The following ZNF335 variants were observed in gnomAD, a reference collection of about 807,000 sequenced individuals.
ZNF335 encodes the protein NRC-interacting factor 1.
ZNF335 carries 84 observed loss-of-function variants against 145.6 expected under a neutral mutation model. The observed-to-expected ratio is 0.58, with a 90% CI of 0.48 to 0.69. The LOEUF is 0.69. Among genes scored for constraint, ZNF335 ranks in the 30% least tolerant of loss-of-function variants. The probability of loss-of-function intolerance (pLI) is 0.00; values close to 1 mark genes in which losing one functional copy is unlikely to be tolerated. For missense variants in ZNF335, 1,865 were observed against 1,809.7 expected (o/e 1.03, Z -0.55); for synonymous variants, 761 against 717.0 (o/e 1.06, Z -0.98).
In ZNF335 at chr20:45,948,955, A is replaced by G. The variant is rs1260556723; in HGVS notation, c.4027T>C (p.Ter1343ArgextTer18). The G allele has an allele frequency of 3.1e-6, 5 of 1,613,756 alleles. No homozygotes were observed. Among genetic ancestry groups the G allele is most frequent in the East Asian group, 2.2e-5 (1 of 44,890 alleles). Residue 1343 changes from the stop codon to arginine (R), a stop_lost, in exon 28 of 28, where the codon TGA (stop) becomes CGA (arginine). Transcript: ENST00000322927. ...GATCTGTGTTGGGCCCTCGGGGCTCAGTCATCGGCCAGGGTGATGACGTCG... is the reference window on the plus strand; with the variant it reads ...GATCTGTGTTGGGCCCTCGGGGCTCGGTCATCGGCCAGGGTGATGACGTCG... Reference protein sequence around the residue: ...EYDVITLADD* With the variant: ...EYDVITLADDR
At position 45,971,218 on chromosome 20, in the gene ZNF335, G is replaced by T. The variant is rs6130982; in HGVS notation, c.193C>A (p.Arg65Ser). 1.3e-6 allele frequency: 2 copies of T among 1,539,954 alleles called. No homozygotes were observed. Among genetic ancestry groups the T allele is most frequent in the South Asian group, 2.4e-5 (2 of 83,806 alleles). Reference sequence around the variant, plus strand: ...TCCAGCCGGGTCCATACCTGAGAACGGCTGCCGCGGTCCGAGCTTTGCCCC... The same window carrying T: ...TCCAGCCGGGTCCATACCTGAGAACTGCTGCCGCGGTCCGAGCTTTGCCCC... ...GVGQSSDRGS[R>S]SQEEVSESSS... Residue 65 changes from arginine (R) to serine (S), a missense_variant, in exon 2 of 28, where the codon CGT becomes AGT. Physicochemically the swap from Arg to Ser is moderately radical, Grantham distance 110 (BLOSUM62 -1). Coordinates refer to ENST00000322927, the MANE Select transcript of ZNF335 (RefSeq NM_022095.4).
chr20:45,970,482 C>G (rs1429204434), intron 2 of ZNF335, among the ~76,000 whole-genome samples: 2 of 152,212 alleles, frequency 1.3e-5, no homozygotes, highest in Non-Finnish European at 2.9e-5. Flanking sequence ...CTCACAAAAA[C>G]TCTATGAGGC....
At chr20:45,963,367 G>A (rs577927074) in intron 9 of ZNF335, 106 bp downstream of exon 9, 165 of 1,303,112 alleles carry the variant, frequency 1.3e-4, no homozygotes, top group Admixed American at 2.3e-4. Context: ...GCAGGAGAGC[G>A]TGACCCAGAA....
chr20:45,957,644 G>C lies in ZNF335; in HGVS notation c.2384C>G (p.Ala795Gly), dbSNP rs781222693. ...ACTCATGTTCAGCAGAAGATCCAAG[G>C]CTGTCTGCGTGGCCATCGCTGTCGA... ...EESTAMATQTALDLLLNMSAQ... is the reference protein window; with the variant it reads ...EESTAMATQTGLDLLLNMSAQ... Residue 795 changes from alanine to glycine, a missense_variant, in exon 17 of 28, where the codon GCC becomes GGC. Transcript: ENST00000322927. 6.2e-7 allele frequency: 1 copy of C among 1,614,188 alleles called. No individual in the cohort carries two copies. The highest frequency in any genetic ancestry group is 8.5e-7 in the Non-Finnish European group (1 of 1,180,036).
At chr20:45,958,780 C>G (rs542371627) in intron 15 of ZNF335, among the ~76,000 whole-genome samples, 1 of 152,304 alleles carries the variant, frequency 6.6e-6, no homozygotes, top group East Asian at 1.9e-4. Flanking sequence ...ATCCCTTCCT[C>G]CTGCTTCCTG....
At chr20:45,961,435 G>A (rs1207962002) in intron 10 of ZNF335, 5 of 149,656 alleles carry the variant, frequency 3.3e-5, no homozygotes, top group African/African-American at 1.2e-4. Flanking sequence ...AAGAGGTGTT[G>A]AACAGCTCTG....
Position 45,963,466 on chromosome 20 carries a change from C to T in ZNF335, c.1533+7G>A. On this transcript the variant is annotated splice_region_variant and intron_variant, in intron 9 of 27. Coordinates refer to ENST00000322927, the MANE Select transcript of ZNF335 (RefSeq NM_022095.4). The stretch of plus-strand genomic sequence containing the variant: ...CCATGAGCCCCAAGCCTCTTTGGCT[C>T]CCGCACCTTGAGCGAGGACCAGCGG... The T allele has an allele frequency of 6.2e-7, 1 of 1,609,098 alleles. No homozygotes were observed. Among genetic ancestry groups the T allele is most frequent in the African/African-American group, 1.3e-5 (1 of 74,988 alleles).
At position 45,967,986 on chromosome 20, in the gene ZNF335, G is replaced by A. The variant is rs1478512677; in HGVS notation, c.562C>T (p.His188Tyr). The A allele has an allele frequency of 2.5e-6, 4 of 1,612,738 alleles. No individual in the cohort carries two copies. Among genetic ancestry groups the A allele is most frequent in the Non-Finnish European group, 3.4e-6 (4 of 1,180,040 alleles). Reference protein sequence around the residue: ...TSPMSSSTLAHSLAAIEALAD... With the variant: ...TSPMSSSTLAYSLAAIEALAD... ...AGGGCCTCAATGGCTGCTAGGCTGTGGGCCAAGGTGGAACTGGACATTGGT... is the reference window on the plus strand; with the variant it reads ...AGGGCCTCAATGGCTGCTAGGCTGTAGGCCAAGGTGGAACTGGACATTGGT... The change falls in exon 5 of 28, where the codon CAC (histidine) becomes TAC (tyrosine). Residue 188 changes from histidine (H) to tyrosine (Y), a missense_variant. Transcript: ENST00000322927.
At chr20:45,958,020 A>G in intron 15 of ZNF335, 92 bp from the exon 16 acceptor site, 1 of 1,006,226 alleles carries the variant, frequency 9.9e-7, no homozygotes, top group Non-Finnish European at 1.6e-6. Context: ...GATGTTTTAC[A>G]TCTGTTGGCT....
chr20:45,951,573 TAGAA>T (rs2083632712), intron 20 of ZNF335, among the ~76,000 whole-genome samples: 1 of 152,222 alleles, frequency 6.6e-6, no homozygotes, highest in African/African-American at 2.4e-5. Context: ...GTTAGATTCT[TAGAA>T]GGAGTGTGTG....
In ZNF335 at chr20:45,967,862, T is replaced by A; in HGVS notation, c.686A>T (p.Asp229Val). The change falls in exon 5 of 28, where the codon GAC becomes GTC. Residue 229 changes from aspartate to valine, a missense_variant. Physicochemically the swap from Asp to Val is radical, Grantham distance 152. Transcript: ENST00000322927. The stretch of plus-strand genomic sequence containing the variant: ...CATCATGGCCTCCAGGCTCTGCAGG[T>A]CCGGCTCTTCGGCACCGGAGGCTGG... ...LPPASGAEEPDLQSLEAMMEV... is the reference protein window; with the variant it reads ...LPPASGAEEPVLQSLEAMMEV... 1 of 1,613,334 alleles carries A rather than the reference T, an allele frequency of 6.2e-7. No homozygotes were observed. Among genetic ancestry groups the A allele is most frequent in the South Asian group, 1.1e-5 (1 of 91,076 alleles).
chr20:45,950,245 T>C lies in ZNF335; in HGVS notation c.3461A>G (p.Asp1154Gly). Residue 1154 changes from aspartate to glycine, a missense_variant, in exon 22 of 28, where the codon GAT (aspartate) becomes GGT (glycine). Physicochemically the swap from Asp to Gly is moderately conservative, Grantham distance 94 (BLOSUM62 -1). Coordinates refer to ENST00000322927, the MANE Select transcript of ZNF335 (RefSeq NM_022095.4). ...GTGCAGGGTGGCCAGTGTTTCGTCA[T>C]CACTGTTCAGGATGATGGTCTGGGT... ...TPTQTIILNS[D>G]DETLATLHTA... 6.5e-7 allele frequency: 1 copy of C among 1,547,932 alleles called. No individual in the cohort carries two copies. The highest frequency in any genetic ancestry group is 8.7e-7 in the Non-Finnish European group (1 of 1,147,018).
At position 45,969,466 on chromosome 20, in the gene ZNF335, G is replaced by GC; in HGVS notation, c.426dup (p.Pro143AlafsTer14). The GC allele has an allele frequency of 6.5e-7, 1 of 1,548,370 alleles. No homozygotes were observed. Among genetic ancestry groups the GC allele is most frequent in the Non-Finnish European group, 8.8e-7 (1 of 1,137,030 alleles). On this transcript the variant is annotated frameshift_variant, in exon 3 of 28. Coordinates refer to ENST00000322927, the MANE Select transcript of ZNF335 (RefSeq NM_022095.4). LOFTEE classifies it high-confidence loss of function. Reference sequence around the variant, plus strand: ...CCTGACTCACTCTGGATGAGGTCGGGCCCGATGGTGGACTCGATGATCTTG... The same window carrying GC: ...CCTGACTCACTCTGGATGAGGTCGGGCCCCGATGGTGGACTCGATGATCTTG...
At position 45,963,783 on chromosome 20, in the gene ZNF335, C is replaced by T. The variant is rs200051874; in HGVS notation, c.1310G>A (p.Arg437His). The T allele has an allele frequency of 6.2e-6, 10 of 1,614,132 alleles. No individual in the cohort carries two copies. The highest frequency in any genetic ancestry group is 2.7e-5 in the African/African-American group (2 of 75,058). The change falls in exon 8 of 28, where the codon CGC becomes CAC. Residue 437 changes from arginine (R) to histidine (H), a missense_variant. By Grantham distance (29) the Arg-to-His change is conservative. Coordinates refer to ENST00000322927, the MANE Select transcript of ZNF335 (RefSeq NM_022095.4). ...GAAGCGCCTGGAAGGTCGACCTCGG[C>T]GCCGGGGCAGAGTGTCATGCTCATC... ...CPDEHDTLPR[R>H]RGRPSRRFLG...
At chr20:45,960,922 C>G (rs747523377) in intron 10 of ZNF335, 40 bp from the exon 11 acceptor site, 2 of 1,611,398 alleles carry the variant, frequency 1.2e-6, no homozygotes, top group South Asian at 2.2e-5. Flanking sequence ...AGAGCTTCCC[C>G]AAGCCCACTC....
intron 17 of ZNF335, 51 bp downstream of exon 17, chr20:45,957,535 G>A (rs758430657): frequency 6.4e-7 from 1 of 1,557,324 alleles, no homozygotes; most frequent in Non-Finnish European, 8.9e-7. Context: ...CCAGTGCAGG[G>A]CTGGGTACCT....
At chr20:45,969,249 GT>G (rs2084013649) in intron 3 of ZNF335, among the ~76,000 whole-genome samples, 1 of 152,360 alleles carries the variant, frequency 6.6e-6, no homozygotes, top group South Asian at 2.1e-4. Context: ...TTGAGAGTCT[GT>G]CATGCCAGGC....
chr20:45,962,300 G>T, intron 9 of ZNF335, 118 bp from the exon 10 acceptor site: 1 of 793,480 alleles, frequency 1.3e-6, no homozygotes, highest in Non-Finnish European at 2.1e-6. Flanking sequence ...CAGAACACAG[G>T]CATGTGGACA....
rs747755572 is a variant in ZNF335, at chr20:45,972,189, G to C, written c.-118C>G. On this transcript the variant is annotated 5_prime_UTR_variant, in exon 1 of 28. Coordinates refer to ENST00000322927, the MANE Select transcript of ZNF335 (RefSeq NM_022095.4). ...ACGAGGTCGCCATCCTCTTTCCTCCGCTGCGGAGGAACCCATCGGCCTATT... is the reference window on the plus strand; with the variant it reads ...ACGAGGTCGCCATCCTCTTTCCTCCCCTGCGGAGGAACCCATCGGCCTATT... The C allele has an allele frequency of 3.9e-6, 5 of 1,288,706 alleles. No individual in the cohort carries two copies. In the African/African-American group the frequency reaches 6.1e-5, roughly 16 times the overall value. The allele number at this position is 1,288,706 out of a possible 1,614,324, so 79.8% of individuals were successfully genotyped here.
Sources: gnomAD v4.1 joint callset for allele counts (sites outside exome capture counted in the v4.1 genomes callset) on GRCh38, gnomAD v4.1.1 for gene constraint, MANE v1.5 for transcripts, NCBI Gene and HGNC (gene_info 2026-07-23, HGNC 2026-07-21) for gene names.